Variants in INSIG2 observed in about 807,000 individuals in gnomAD.
INSIG2 encodes insulin-induced gene 2 protein.
Under a neutral mutation model 27.2 loss-of-function variants are expected in INSIG2, and 10 were observed. The observed-to-expected ratio is 0.37, with a 90% CI of 0.23 to 0.62. INSIG2 has a LOEUF of 0.62. Among genes scored for constraint, INSIG2 ranks in the 20% least tolerant of loss-of-function variants. INSIG2 has a pLI of 0.65. For missense variants in INSIG2, 178 were observed against 270.2 expected (o/e 0.66, Z 2.39); for synonymous variants, 97 against 95.8 (o/e 1.01, Z -0.07).
intron 3 of INSIG2, among the ~76,000 whole-genome samples, chr2:118,106,473 TTTTTG>T (rs915641974): frequency 2.7e-4 from 41 of 152,340 alleles, no homozygotes; most frequent in South Asian, 1.0e-3. Context: ...TAGACTGTTC[TTTTTG>T]TTTTGTTTTG....
At chr2:118,105,992 G>A (rs1678663063) in intron 3 of INSIG2, among the ~76,000 whole-genome samples, 2 of 152,142 alleles carry the variant, frequency 1.3e-5, no homozygotes, top group East Asian at 1.9e-4. Flanking sequence ...GTAGAAAAGG[G>A]CCATACATTT....
chr2:118,095,397 C>G (rs760237129), intron 1 of INSIG2, among the ~76,000 whole-genome samples: 1 of 152,194 alleles, frequency 6.6e-6, no homozygotes, highest in Non-Finnish European at 1.5e-5. Context: ...TGGCCTCTTA[C>G]TGGAGATGTG....
At chr2:118,099,807 T>C (rs1678496687) in intron 2 of INSIG2, among the ~76,000 whole-genome samples, 1 of 152,234 alleles carries the variant, frequency 6.6e-6, no homozygotes, top group Non-Finnish European at 1.5e-5. Context: ...TTTCCAAGTC[T>C]TACATCTTTC....
rs924356391 is a variant in INSIG2, at chr2:118,092,986, C to A, written c.-138-3433C>A. ...GGAGGAGAGTTCTGTAGCTACTGAA[C>A]CTTGCTAAAAGCAACCAGATGATGA... On this transcript the variant is annotated intron_variant, in intron 1 of 5. Coordinates refer to ENST00000245787, the MANE Select transcript of INSIG2 (RefSeq NM_016133.4). 2.3e-5 allele frequency among the ~76,000 whole-genome samples: 3 copies of A among 132,100 alleles called. No individual in the cohort carries two copies. In the Admixed American group the frequency reaches 2.4e-4, roughly 11 times the overall value. 86.7% of individuals were successfully genotyped at this position (132,100 alleles called of 152,430 possible).
At chr2:118,094,568 T>C (rs72839621) in intron 1 of INSIG2, among the ~76,000 whole-genome samples, 1 of 152,304 alleles carries the variant, frequency 6.6e-6, no homozygotes, top group Non-Finnish European at 1.5e-5. Flanking sequence ...TGTGGATTAG[T>C]TTTTTTAGTC....
intron 2 of INSIG2, among the ~76,000 whole-genome samples, chr2:118,102,285 C>T (rs1046712972): frequency 6.6e-6 from 1 of 152,038 alleles, no homozygotes; most frequent in Admixed American, 6.6e-5. Flanking sequence ...AAATTCCTTC[C>T]CACTAAATGA....
chr2:118,104,279 T>G (rs1009166638), intron 3 of INSIG2, among the ~76,000 whole-genome samples: 1 of 152,186 alleles, frequency 6.6e-6, no homozygotes, highest in African/African-American at 2.4e-5. Flanking sequence ...TAGACCCCTG[T>G]GTCTTTCCCA....
chr2:118,098,135 C>T (rs1294863686), intron 2 of INSIG2, among the ~76,000 whole-genome samples: 1 of 152,140 alleles, frequency 6.6e-6, no homozygotes, highest in African/African-American at 2.4e-5. Context: ...ATGCATTTTT[C>T]TTTCATTTAA....
At chr2:118,097,794 C>T (rs1171111360) in intron 2 of INSIG2, among the ~76,000 whole-genome samples, 1 of 152,304 alleles carries the variant, frequency 6.6e-6, no homozygotes, top group Non-Finnish European at 1.5e-5. Flanking sequence ...GAATGAATAT[C>T]TTGCAACATA....
At chr2:118,089,485 T>C (rs1461249692) in intron 1 of INSIG2, among the ~76,000 whole-genome samples, 2 of 152,122 alleles carry the variant, frequency 1.3e-5, no homozygotes, top group African/African-American at 4.8e-5. Flanking sequence ...AGACAGTAGC[T>C]AGATGGTGTT....
In INSIG2 at chr2:118,100,182, G is replaced by GCC. The variant is rs1406070255; in HGVS notation, c.245-3014_245-3013insCC. On this transcript the variant is annotated intron_variant, in intron 2 of 5. Coordinates refer to ENST00000245787, the MANE Select transcript of INSIG2 (RefSeq NM_016133.4). ...GAGCACTATTTCTGCGCCATTTACTGCTGAATGCTCCTGCCTCAAGGGTCA... is the reference window on the plus strand; with the variant it reads ...GAGCACTATTTCTGCGCCATTTACTGCCCTGAATGCTCCTGCCTCAAGGGTCA... 6.8e-3 allele frequency among the ~76,000 whole-genome samples: 1,034 copies of GCC among 152,034 alleles called. 11 individuals are homozygous for GCC. The highest frequency in any genetic ancestry group is 0.023 in the African/African-American group (969 of 41,454).
chr2:118,098,738 A>G (rs1330043829), intron 2 of INSIG2, among the ~76,000 whole-genome samples: 1 of 152,194 alleles, frequency 6.6e-6, no homozygotes, highest in Non-Finnish European at 1.5e-5. Context: ...CATTTTAGGA[A>G]GGAAAATTTC....
Position 118,096,489 on chromosome 2 carries a change from G to T in INSIG2, c.-68G>T. On this transcript the variant is annotated 5_prime_UTR_variant, in exon 2 of 6. Transcript: ENST00000245787. ...AGCGTCAGTCTTTGATTCACAGACA[G>T]TTGAGCTTTTCAGCTGGGAAGCCTT... 6.6e-7 allele frequency: 1 copy of T among 1,505,904 alleles called. No individual in the cohort carries two copies. The highest frequency in any genetic ancestry group is 1.4e-5 in the African/African-American group (1 of 71,460). The allele number at this position is 1,505,904 out of a possible 1,614,324, so 93.3% of individuals were successfully genotyped here. A position where few individuals can be genotyped will look rare whatever the true frequency, so the allele number is the denominator to read the frequency against.
intron 2 of INSIG2, chr2:118,102,700 T>G (rs1224703241): frequency 6.4e-6 from 1 of 155,786 alleles, no homozygotes; most frequent in Non-Finnish European, 1.4e-5. Flanking sequence ...AGCCAGAACC[T>G]TCAGAACATT....
At chr2:118,095,978 C>T (rs865830328) in intron 1 of INSIG2, among the ~76,000 whole-genome samples, 9 of 152,150 alleles carry the variant, frequency 5.9e-5, no homozygotes, top group African/African-American at 1.9e-4. Context: ...AAATATACAG[C>T]GTCTTCAGTC....
chr2:118,099,524 C>G (rs1339666456), intron 2 of INSIG2, among the ~76,000 whole-genome samples: 1 of 152,102 alleles, frequency 6.6e-6, no homozygotes, highest in Non-Finnish European at 1.5e-5. Context: ...GTGTGCCATG[C>G]ACCAGAATTG....
At chr2:118,097,101 C>A (rs1360547638) in intron 2 of INSIG2, among the ~76,000 whole-genome samples, 1 of 152,138 alleles carries the variant, frequency 6.6e-6, no homozygotes, top group Admixed American at 6.5e-5. Flanking sequence ...TTTCTGTTGC[C>A]ATAAATTATT....
At chr2:118,090,308 G>C (rs756329525) in intron 1 of INSIG2, among the ~76,000 whole-genome samples, 87 of 152,226 alleles carry the variant, frequency 5.7e-4, no homozygotes, top group African/African-American at 1.6e-3. Flanking sequence ...TTGGTTTTAG[G>C]GGGTGTTGCA....
intron 1 of INSIG2, among the ~76,000 whole-genome samples, chr2:118,090,285 A>G (rs924975557): frequency 6.6e-6 from 1 of 152,184 alleles, no homozygotes; most frequent in Admixed American, 6.5e-5. Context: ...TGGAAGAGGA[A>G]TGGTCTTGTC....
Sources: allele counts gnomAD v4.1 joint callset (sites outside exome capture counted in the v4.1 genomes callset), GRCh38; gene constraint gnomAD v4.1.1; transcripts MANE v1.5; gene names NCBI Gene and HGNC (gene_info 2026-07-23, HGNC 2026-07-21).